The following MSI2 variants were observed in gnomAD, a reference collection of about 807,000 sequenced individuals.
MSI2 encodes the protein RNA-binding protein Musashi homolog 2.
In MSI2, 17 loss-of-function variants were observed where a neutral mutation model predicts 45.6. The observed-to-expected ratio is 0.37, with a 90% CI of 0.26 to 0.56. The LOEUF (loss-of-function observed/expected upper bound fraction) is 0.56. MSI2 is among the 20% of genes least tolerant of loss of function. MSI2 has a pLI of 0.77. For missense variants in MSI2, 293 were observed against 444.2 expected, an observed-to-expected ratio of 0.66 and a Z score of 3.06; for synonymous variants, 156 against 158.2, an observed-to-expected ratio of 0.99 and a Z score of 0.11.
At chr17:57,397,850 G>T (rs547892917) in intron 5 of MSI2, among the ~76,000 whole-genome samples, 1 of 152,180 alleles carries the variant, frequency 6.6e-6, no homozygotes, top group Non-Finnish European at 1.5e-5. Flanking sequence ...GCCTTTTCAC[G>T]TTTGGAAGGT....
At chr17:57,672,004 G>C (rs541737301) in intron 11 of MSI2, among the ~76,000 whole-genome samples, 1 of 152,212 alleles carries the variant, frequency 6.6e-6, no homozygotes, top group South Asian at 2.1e-4. Flanking sequence ...TCAGGGGTGC[G>C]GGTTCCACTG....
chr17:57,328,764 T>G (rs1041381850), intron 5 of MSI2, among the ~76,000 whole-genome samples: 1 of 152,064 alleles, frequency 6.6e-6, no homozygotes, highest in African/African-American at 2.4e-5. Context: ...ACTTGTTTGA[T>G]TATTGCCTGA....
chr17:57,329,825 GA>G (rs1311675955), intron 5 of MSI2, among the ~76,000 whole-genome samples: 23 of 152,112 alleles, frequency 1.5e-4, no homozygotes, highest in Admixed American at 1.5e-3. Context: ...AGGCTCCTGG[GA>G]AAAACTGCCT....
intron 5 of MSI2, among the ~76,000 whole-genome samples, chr17:57,296,950 C>T (rs1346668218): frequency 6.6e-6 from 1 of 152,222 alleles, no homozygotes; most frequent in Non-Finnish European, 1.5e-5. Flanking sequence ...TCTCTGCTCA[C>T]TGCAAGCTCT....
intron 6 of MSI2, among the ~76,000 whole-genome samples, chr17:57,459,459 G>A (rs1157723952): frequency 6.6e-6 from 1 of 152,176 alleles, no homozygotes. Context: ...AATGGTAGGA[G>A]GCCCTGAACT....
intron 6 of MSI2, among the ~76,000 whole-genome samples, chr17:57,463,990 CGTGT>C (rs58522672): frequency 0.044 from 6,473 of 146,138 alleles, 295 homozygotes; most frequent in African/African-American, 0.11. Flanking sequence ...GTTTAATGAA[CGTGT>C]GTGTGTGTGT....
intron 5 of MSI2, among the ~76,000 whole-genome samples, chr17:57,370,411 C>G (rs1567785028): frequency 6.6e-6 from 1 of 152,126 alleles, no homozygotes; most frequent in African/African-American, 2.4e-5. Flanking sequence ...GTCCTGGTAG[C>G]AAGAAAGGGC....
At chr17:57,483,035 A>G (rs186814656) in intron 6 of MSI2, among the ~76,000 whole-genome samples, 409 of 152,330 alleles carry the variant, frequency 2.7e-3, no homozygotes, top group Non-Finnish European at 4.1e-3. Context: ...ACCTAATCCA[A>G]TATCCTTGTA....
chr17:57,672,041 C>G (rs896350610), intron 11 of MSI2, among the ~76,000 whole-genome samples: 3 of 152,208 alleles, frequency 2.0e-5, no homozygotes, highest in African/African-American at 4.8e-5. Flanking sequence ...GAGGCGGGAC[C>G]AGCCAGAACT....
intron 6 of MSI2, among the ~76,000 whole-genome samples, chr17:57,508,514 G>A (rs1229230903): frequency 6.6e-6 from 1 of 152,200 alleles, no homozygotes; most frequent in Non-Finnish European, 1.5e-5. Flanking sequence ...GCTCCAAATA[G>A]CTTAAAAGAT....
chr17:57,642,879 G>A (rs1910363891), intron 10 of MSI2, among the ~76,000 whole-genome samples: 2 of 152,280 alleles, frequency 1.3e-5, no homozygotes, highest in South Asian at 4.1e-4. Flanking sequence ...CTTTGGGGAG[G>A]GATTTAGTGA....
intron 9 of MSI2, 197 bp downstream of exon 9, chr17:57,616,281 A>ATGTGTG (rs141665856): frequency 6.2e-6 from 3 of 480,004 alleles, no homozygotes; most frequent in East Asian, 3.5e-5. Context: ...GTGTGCATGC[A>ATGTGTG]TGTGTGTGTG....
At chr17:57,695,919 TGA>T in the MSI2 span, among the ~76,000 whole-genome samples, 3 of 151,802 alleles carry the variant, frequency 2.0e-5, no homozygotes, top group Admixed American at 1.3e-4. Context: ...GTGTGTGTGG[TGA>T]GAGAGAGAGA....
At chr17:57,328,505 A>G (rs1421096025) in intron 5 of MSI2, among the ~76,000 whole-genome samples, 21 of 152,220 alleles carry the variant, frequency 1.4e-4, no homozygotes, top group Non-Finnish European at 1.5e-5. Flanking sequence ...ATCACATTAT[A>G]CATTTAGATC....
At chr17:57,528,098 A>AC (rs1264588205) in intron 6 of MSI2, among the ~76,000 whole-genome samples, 239 of 140,822 alleles carry the variant, frequency 1.7e-3, no homozygotes, top group East Asian at 3.7e-3. Flanking sequence ...TAACAGTTTT[A>AC]CCCCCCCTAC....
chr17:57,695,743 T>C, the MSI2 span, among the ~76,000 whole-genome samples: 4 of 152,212 alleles, frequency 2.6e-5, no homozygotes, highest in African/African-American at 9.6e-5. Context: ...CAAAATACCA[T>C]ATACTGGGTG....
chr17:57,674,633 A>G (rs1010136342), intron 11 of MSI2, among the ~76,000 whole-genome samples: 8 of 152,016 alleles, frequency 5.3e-5, no homozygotes, highest in African/African-American at 1.7e-4. Flanking sequence ...TCTTCCATAT[A>G]TATCTCTATT....
chr17:57,294,480 G>A (rs894688531), intron 5 of MSI2, among the ~76,000 whole-genome samples: 5 of 152,182 alleles, frequency 3.3e-5, no homozygotes, highest in African/African-American at 1.2e-4. Context: ...TCCTGCTAAT[G>A]TTTCCAAGTA....
chr17:57,526,249 C>T (rs2144038990), intron 6 of MSI2, among the ~76,000 whole-genome samples: 1 of 151,980 alleles, frequency 6.6e-6, no homozygotes, highest in South Asian at 2.1e-4. Context: ...AAAAGAAAAA[C>T]TCCTGTTCCC....
Sources: gnomAD v4.1 joint callset for allele counts (sites outside exome capture counted in the v4.1 genomes callset) on GRCh38, gnomAD v4.1.1 for gene constraint, MANE v1.5 for transcripts, NCBI Gene and HGNC (gene_info 2026-07-23, HGNC 2026-07-21) for gene names.